Variants in LRP1B observed in about 807,000 individuals in gnomAD.
LRP1B encodes low-density lipoprotein receptor-related protein 1B.
A neutral mutation model predicts 556.6 loss-of-function variants in LRP1B; 217 were observed. The ratio of observed to expected loss-of-function variants is 0.39; its 90% CI spans 0.35 to 0.44. LRP1B has a LOEUF of 0.44. LRP1B is among the 20% of genes least tolerant of loss of function. LRP1B has a pLI of 1.00. For missense variants in LRP1B, 5,053 were observed against 5,620.8 expected, an observed-to-expected ratio of 0.90 and a Z score of 3.23; for synonymous variants, 2,047 against 1,865.8, an observed-to-expected ratio of 1.10 and a Z score of -2.50.
At chr2:141,201,200 T>C (rs1305695795) in intron 6 of LRP1B, among the ~76,000 whole-genome samples, 1 of 152,134 alleles carries the variant, frequency 6.6e-6, no homozygotes, top group Non-Finnish European at 1.5e-5. Context: ...GAAATAATAG[T>C]GACAACTGGT....
At chr2:142,058,167 G>A (rs1473853658) in intron 1 of LRP1B, among the ~76,000 whole-genome samples, 1 of 152,086 alleles carries the variant, frequency 6.6e-6, no homozygotes, top group Non-Finnish European at 1.5e-5. Flanking sequence ...AAAATATTTG[G>A]AACTACCTTC....
rs570195919 is a variant in LRP1B at position 141,747,098 on chromosome 2, C to T, written c.205+63181G>A. Among the ~76,000 whole-genome samples, 7 of 152,220 alleles carry T rather than the reference C, an allele frequency of 4.6e-5. No individual in the cohort carries two copies. The South Asian group carries it at 6.2e-4, about 14-fold the overall frequency. Reference sequence around the variant, plus strand: ...CTGAGTCAGGCTAGAATATTACAAACGATTTTATTAAATAATAAGTGGAAC... The same window carrying T: ...CTGAGTCAGGCTAGAATATTACAAATGATTTTATTAAATAATAAGTGGAAC... On this transcript the variant is annotated intron_variant, in intron 2 of 90. Coordinates refer to ENST00000389484, the MANE Select transcript of LRP1B (RefSeq NM_018557.3).
chr2:140,988,423 T>C lies in LRP1B; in HGVS notation c.2770+1109A>G, dbSNP rs544192560. 3.3e-5 allele frequency among the ~76,000 whole-genome samples: 5 copies of C among 152,282 alleles called. No individual in the cohort carries two copies. In the East Asian group the frequency reaches 9.7e-4, roughly 29 times the overall value. On this transcript the variant is annotated intron_variant, in intron 17 of 90. Transcript: ENST00000389484. ...CTGGCCCATGGATCCTCAGCAAATT[T>C]GTCACTATGGAAAAAATCTGAATAG... is the stretch of plus-strand genomic sequence containing the variant.
At chr2:140,922,916 C>G (rs2105257923) in intron 21 of LRP1B, 49 bp downstream of exon 21, 1 of 1,530,992 alleles carries the variant, frequency 6.5e-7, no homozygotes, top group Non-Finnish European at 8.9e-7. Context: ...GCCAAAAGGA[C>G]TCCACACTCA....
chr2:140,966,779 G>A (rs956804238), intron 18 of LRP1B, among the ~76,000 whole-genome samples: 1 of 152,044 alleles, frequency 6.6e-6, no homozygotes, highest in African/African-American at 2.4e-5. Context: ...AATTTTCCCA[G>A]CACCATTTAT....
intron 11 of LRP1B, among the ~76,000 whole-genome samples, chr2:141,041,951 C>T (rs978447383): frequency 6.6e-6 from 1 of 152,156 alleles, no homozygotes; most frequent in East Asian, 1.9e-4. Context: ...GGCAAGTCCC[C>T]TTTTCCATAC....
At chr2:141,395,865 C>A (rs973743942) in intron 3 of LRP1B, among the ~76,000 whole-genome samples, 9 of 152,070 alleles carry the variant, frequency 5.9e-5, no homozygotes, top group Non-Finnish European at 1.3e-4. Flanking sequence ...GATCCCAAAG[C>A]GATAACGTTT....
intron 29 of LRP1B, among the ~76,000 whole-genome samples, chr2:140,841,629 T>C (rs1692108398): frequency 6.6e-6 from 1 of 152,184 alleles, no homozygotes; most frequent in South Asian, 2.1e-4. Context: ...CCACTAAAAT[T>C]ATTTTAACAT....
chr2:141,147,812 G>C (rs1349453715), intron 7 of LRP1B, among the ~76,000 whole-genome samples: 3 of 152,152 alleles, frequency 2.0e-5, no homozygotes, highest in Non-Finnish European at 4.4e-5. Flanking sequence ...ATGATAAACT[G>C]CATACACAAC....
intron 82 of LRP1B, among the ~76,000 whole-genome samples, chr2:140,320,476 G>C (rs996208736): frequency 1.3e-5 from 2 of 152,100 alleles, no homozygotes; most frequent in African/African-American, 4.8e-5. Context: ...TCCACGTGAG[G>C]AGTGCATTCT....
At chr2:141,473,323 C>G (rs1314359282) in intron 3 of LRP1B, among the ~76,000 whole-genome samples, 3 of 152,120 alleles carry the variant, frequency 2.0e-5, no homozygotes, top group African/African-American at 7.2e-5. Flanking sequence ...CATAAGTGCA[C>G]AATCCTAATT....
At chr2:140,977,922 CAACTT>C (rs1317391776) in intron 18 of LRP1B, among the ~76,000 whole-genome samples, 3 of 152,128 alleles carry the variant, frequency 2.0e-5, no homozygotes, top group Non-Finnish European at 2.9e-5. Context: ...ATTTTATTGA[CAACTT>C]AAGTTGAGAA....
intron 78 of LRP1B, among the ~76,000 whole-genome samples, chr2:140,335,064 T>C (rs936706560): frequency 4.6e-5 from 7 of 152,032 alleles, no homozygotes; most frequent in African/African-American, 9.7e-5. Flanking sequence ...AATCCACTTA[T>C]AGATGATTAA....
chr2:141,018,795 C>T (rs1401330559), intron 12 of LRP1B, among the ~76,000 whole-genome samples: 1 of 151,980 alleles, frequency 6.6e-6, no homozygotes, highest in Non-Finnish European at 1.5e-5. Context: ...CATAAAATCA[C>T]CAAAATTACT....
chr2:141,207,769 C>T (rs1398029002), intron 6 of LRP1B, among the ~76,000 whole-genome samples: 4 of 152,022 alleles, frequency 2.6e-5, no homozygotes, highest in Admixed American at 2.0e-4. Context: ...TCTGCCTCCC[C>T]GGTTCAAGCA....
At chr2:142,096,938 GT>G (rs1706394055) in intron 1 of LRP1B, among the ~76,000 whole-genome samples, 1 of 151,226 alleles carries the variant, frequency 6.6e-6, no homozygotes, top group Admixed American at 6.6e-5. Context: ...AGTACTTAAT[GT>G]TTAGTTCCAA....
At chr2:140,961,387 A>C (rs761675330) in intron 18 of LRP1B, among the ~76,000 whole-genome samples, 3 of 152,050 alleles carry the variant, frequency 2.0e-5, no homozygotes, top group Non-Finnish European at 4.4e-5. Context: ...AATAGCTTCC[A>C]AAGAAAGAAT....
chr2:140,565,025 T>C (rs1681074107), intron 43 of LRP1B, among the ~76,000 whole-genome samples: 3 of 151,926 alleles, frequency 2.0e-5, no homozygotes, highest in African/African-American at 7.2e-5. Flanking sequence ...GATTTTTTTA[T>C]TGCAATTTTC....
At chr2:140,366,767 A>G (rs546896425) in intron 71 of LRP1B, among the ~76,000 whole-genome samples, 193 of 151,834 alleles carry the variant, frequency 1.3e-3, no homozygotes, top group African/African-American at 4.2e-3. Context: ...TGAGAAGAAG[A>G]AGGAGGTGAA....
Sources: allele counts gnomAD v4.1 joint callset (sites outside exome capture counted in the v4.1 genomes callset), GRCh38; gene constraint gnomAD v4.1.1; transcripts MANE v1.5; gene names NCBI Gene and HGNC (gene_info 2026-07-23, HGNC 2026-07-21).